Variants in PDE1A observed in about 807,000 individuals in gnomAD.
The protein encoded by PDE1A is phosphodiesterase 1A.
PDE1A carries 35 observed loss-of-function variants against 61.7 expected under a neutral mutation model. The ratio of observed to expected loss-of-function variants is 0.57; its 90% CI spans 0.43 to 0.75. The LOEUF is 0.75. PDE1A is among the 30% of genes least tolerant of loss of function. PDE1A has a pLI of 0.00. For synonymous variants in PDE1A, 232 were observed against 213.2 expected, an observed-to-expected ratio of 1.09 and a Z score of -0.77; for missense variants, 597 against 630.6, an observed-to-expected ratio of 0.95 and a Z score of 0.57.
the PDE1A span, among the ~76,000 whole-genome samples, chr2:182,688,100 T>C: frequency 5.0e-3 from 768 of 152,270 alleles, 12 homozygotes; most frequent in African/African-American, 0.018. Flanking sequence ...TTGGAAAACA[T>C]TCTGCAGGAT....
chr2:182,368,972 T>C (rs1699984012), intron 1 of PDE1A, among the ~76,000 whole-genome samples: 1 of 152,194 alleles, frequency 6.6e-6, no homozygotes, highest in South Asian at 2.1e-4. Context: ...AGTAGCATAT[T>C]TTGGTTACTC....
chr2:182,341,898 C>T (rs1211527174), intron 1 of PDE1A, among the ~76,000 whole-genome samples: 1 of 152,070 alleles, frequency 6.6e-6, no homozygotes, highest in Non-Finnish European at 1.5e-5. Context: ...GCTAAGACTA[C>T]AGACACACGC....
chr2:182,186,686 G>A (rs1247933616), intron 11 of PDE1A, 98 bp from the exon 12 acceptor site: 105 of 1,228,018 alleles, frequency 8.6e-5, no homozygotes, highest in Middle Eastern at 2.6e-4. Context: ...TGACAATCCT[G>A]GGATAGCAAG....
the PDE1A span, among the ~76,000 whole-genome samples, chr2:182,540,724 G>C: frequency 6.6e-6 from 1 of 151,942 alleles, no homozygotes; most frequent in African/African-American, 2.4e-5. Context: ...ACAGTTTGTC[G>C]AAAACTGGTA....
chr2:182,425,694 T>G (rs1350379416), intron 1 of PDE1A, among the ~76,000 whole-genome samples: 1 of 152,180 alleles, frequency 6.6e-6, no homozygotes, highest in Non-Finnish European at 1.5e-5. Context: ...TTTATCATCC[T>G]GTATTTAATT....
At chr2:182,363,487 C>T (rs1699634687) in intron 1 of PDE1A, among the ~76,000 whole-genome samples, 1 of 151,768 alleles carries the variant, frequency 6.6e-6, no homozygotes, top group Non-Finnish European at 1.5e-5. Flanking sequence ...CAGAGAAGAC[C>T]TTTCTAAGAA....
At chr2:182,297,095 C>T (rs1027618710) in intron 1 of PDE1A, among the ~76,000 whole-genome samples, 1 of 152,142 alleles carries the variant, frequency 6.6e-6, no homozygotes. Context: ...TATAATAAAT[C>T]TCTTCCTAAA....
At chr2:182,279,846 T>C (rs1444747426) in intron 1 of PDE1A, among the ~76,000 whole-genome samples, 1 of 151,924 alleles carries the variant, frequency 6.6e-6, no homozygotes, top group Non-Finnish European at 1.5e-5. Flanking sequence ...TCTTTAAAAA[T>C]ACTTTGATTG....
chr2:182,641,415 C>T, the PDE1A span, among the ~76,000 whole-genome samples: 2 of 152,160 alleles, frequency 1.3e-5, no homozygotes, highest in African/African-American at 2.4e-5. Context: ...TATTTCATAA[C>T]TAATACAAAG....
At chr2:182,680,368 G>A in the PDE1A span, among the ~76,000 whole-genome samples, 472 of 151,932 alleles carry the variant, frequency 3.1e-3, 3 homozygotes, top group African/African-American at 0.011. Flanking sequence ...GCATCACCAC[G>A]CCTGGCTAAT....
chr2:182,463,011 C>A (rs1159768648), intron 2 of PDE1A, among the ~76,000 whole-genome samples: 1 of 152,000 alleles, frequency 6.6e-6, no homozygotes, highest in East Asian at 1.9e-4. Flanking sequence ...GAGGCCAAGG[C>A]AGGAGGATCA....
chr2:182,708,515 T>C, the PDE1A span, among the ~76,000 whole-genome samples: 1 of 152,140 alleles, frequency 6.6e-6, no homozygotes, highest in Non-Finnish European at 1.5e-5. Context: ...GGGTAATTTA[T>C]AAAGGAAGGA....
At chr2:182,210,041 CT>C (rs143572459) in intron 7 of PDE1A, among the ~76,000 whole-genome samples, 4,744 of 152,260 alleles carry the variant, frequency 0.031, 246 homozygotes, top group African/African-American at 0.11. Context: ...ATTCAGTCAC[CT>C]ACTGAAGGAC....
chr2:182,450,790 A>G (rs1320620474), intron 2 of PDE1A, among the ~76,000 whole-genome samples: 7 of 152,094 alleles, frequency 4.6e-5, no homozygotes, highest in Non-Finnish European at 1.5e-5. Flanking sequence ...AAAGAAAAAA[A>G]AAAAGAATTT....
chr2:182,431,990 G>T (rs1468239455), upstream of PDE1A, among the ~76,000 whole-genome samples: 2 of 152,082 alleles, frequency 1.3e-5, no homozygotes, highest in Admixed American at 1.3e-4. Context: ...ATATCAAGGT[G>T]AATTGAATAG....
chr2:182,141,166 C>T (rs1690213356), exon 15 of PDE1A: 1 of 151,978 alleles, frequency 6.6e-6, no homozygotes, highest in Admixed American at 6.6e-5. Flanking sequence ...TTTCTATTTA[C>T]TTCTTTGAGA....
intron 1 of PDE1A, among the ~76,000 whole-genome samples, chr2:182,417,137 A>T (rs1476450918): frequency 6.6e-6 from 1 of 152,228 alleles, no homozygotes; most frequent in Non-Finnish European, 1.5e-5. Flanking sequence ...TGGCTGGCCA[A>T]TGAAGAATTC....
intron 1 of PDE1A, among the ~76,000 whole-genome samples, chr2:182,418,988 G>GTTTGT (rs1703096128): frequency 6.6e-6 from 1 of 151,706 alleles, no homozygotes; most frequent in Non-Finnish European, 1.5e-5. Flanking sequence ...TGCAATCGCT[G>GTTTGT]ATACAATTGT....
intron 1 of PDE1A, among the ~76,000 whole-genome samples, chr2:182,391,637 C>G (rs568101145): frequency 5.3e-4 from 80 of 152,324 alleles, no homozygotes; most frequent in African/African-American, 1.8e-3. Flanking sequence ...ACCACAATCA[C>G]TCAACTGGAA....
Sources: gnomAD v4.1 joint callset for allele counts (sites outside exome capture counted in the v4.1 genomes callset) on GRCh38, gnomAD v4.1.1 for gene constraint, MANE v1.5 for transcripts, NCBI Gene and HGNC (gene_info 2026-07-23, HGNC 2026-07-21) for gene names.